EMSY: variants seen among roughly 807,000 people sequenced by gnomAD.
EMSY encodes BRCA2-interacting transcriptional repressor EMSY.
A neutral mutation model predicts 134.6 loss-of-function variants in EMSY; 26 were observed. The observed-to-expected ratio is 0.19, with a 90% CI of 0.14 to 0.27. The LOEUF (loss-of-function observed/expected upper bound fraction) is 0.27, where lower values mean the gene tolerates loss of function less well. Among genes scored for constraint, EMSY ranks in the 10% least tolerant of loss-of-function variants. The pLI, the probability that EMSY is intolerant of heterozygous loss-of-function variation, is 1.00. For missense variants in EMSY, 1,305 were observed against 1,611.4 expected (o/e 0.81, Z 3.26); for synonymous variants, 579 against 577.8 (o/e 1.00, Z -0.03).
At chr11:76,516,233 G>A (rs995903018) in exon 11 of EMSY, 30 of 1,613,232 alleles carry the variant, frequency 1.9e-5, no homozygotes, top group South Asian at 4.4e-5. Flanking sequence ...TGAAAACTAC[G>A]AGTGGTAGCA....
At chr11:76,480,326 C>A (rs1174962169) in intron 8 of EMSY, among the ~76,000 whole-genome samples, 2 of 152,172 alleles carry the variant, frequency 1.3e-5, no homozygotes, top group African/African-American at 4.8e-5. Context: ...GAATTTCTTA[C>A]CAGTCTGTTA....
At chr11:76,505,051 CT>C (rs1223517355) in intron 9 of EMSY, among the ~76,000 whole-genome samples, 1 of 152,088 alleles carries the variant, frequency 6.6e-6, no homozygotes, top group African/African-American at 2.4e-5. Flanking sequence ...ATGGGGTTTC[CT>C]TTTGAAGTGA....
At chr11:76,466,481 C>G (rs1948356052) in intron 7 of EMSY, among the ~76,000 whole-genome samples, 1 of 151,464 alleles carries the variant, frequency 6.6e-6, no homozygotes, top group South Asian at 2.1e-4. Flanking sequence ...GTGCCTTTTC[C>G]CTTTTAAAAA....
At chr11:76,480,578 A>G (rs1204865278) in intron 8 of EMSY, among the ~76,000 whole-genome samples, 1 of 152,150 alleles carries the variant, frequency 6.6e-6, no homozygotes, top group Non-Finnish European at 1.5e-5. Context: ...GTATCCTTAG[A>G]CCAGTGAAGA....
intron 14 of EMSY, among the ~76,000 whole-genome samples, chr11:76,531,248 A>T (rs1357784640): frequency 2.0e-5 from 3 of 152,206 alleles, no homozygotes. Context: ...CTAATTTACA[A>T]TCCATATTCA....
Position 76,513,549 on chromosome 11 carries a change from A to C in EMSY, c.1513+14A>C. 1 of 1,611,554 alleles carries C rather than the reference A, an allele frequency of 6.2e-7. No homozygotes were observed. Among genetic ancestry groups the C allele is most frequent in the Non-Finnish European group, 8.5e-7 (1 of 1,178,520 alleles). ...CCACTCCTACTGGTAAGTTCTCTTG[A>C]GCATCAGTTCATTTATTCATCATAC... On this transcript the variant is annotated intron_variant, in intron 10 of 20. Coordinates refer to ENST00000334736, the Ensembl canonical transcript of EMSY.
intron 8 of EMSY, among the ~76,000 whole-genome samples, chr11:76,477,756 G>A (rs1035786318): frequency 2.0e-5 from 3 of 152,146 alleles, no homozygotes; most frequent in African/African-American, 7.2e-5. Context: ...CAGACTAGAA[G>A]CTGTAATTAG....
Position 76,451,851 on chromosome 11 carries a change from C to T in EMSY, c.71-7C>T, listed in dbSNP as rs529427104. 1.6e-3 allele frequency: 2,481 copies of T among 1,544,916 alleles called. 57 individuals are homozygous for T. The South Asian group carries it at 0.03, about 19-fold the overall frequency. On this transcript the variant is annotated splice_polypyrimidine_tract_variant and splice_region_variant and intron_variant, in intron 2 of 20. Coordinates refer to ENST00000334736, the Ensembl canonical transcript of EMSY. ...CCTATCTTGATAAAATAATTTTCTT[C>T]TTTTAGAATTGGAGGCATATGCTGG...
At chr11:76,493,325 C>T (rs1399634668) in intron 8 of EMSY, among the ~76,000 whole-genome samples, 1 of 152,150 alleles carries the variant, frequency 6.6e-6, no homozygotes, top group Admixed American at 6.5e-5. Context: ...GGCCTGCAGG[C>T]GCCCCTTCCC....
chr11:76,502,172 C>T (rs1052509017), intron 9 of EMSY, among the ~76,000 whole-genome samples: 1 of 146,350 alleles, frequency 6.8e-6, no homozygotes, highest in African/African-American at 2.5e-5. Flanking sequence ...ACCCACCTTA[C>T]AAGAGACACT....
intron 16 of EMSY, 119 bp downstream of exon 17, chr11:76,538,069 C>G (rs1209702535): frequency 7.8e-6 from 7 of 897,314 alleles, no homozygotes; most frequent in Non-Finnish European, 1.1e-5. Flanking sequence ...TCTTTGTTTT[C>G]AGAGCAAATT....
At chr11:76,463,692 T>C (rs1361227660) in intron 6 of EMSY, 129 bp from the exon 8 acceptor site, 2 of 1,008,566 alleles carry the variant, frequency 2.0e-6, no homozygotes, top group Non-Finnish European at 2.9e-6. Context: ...TGAGGGAAGA[T>C]TGATAGAACT....
At chr11:76,523,236 C>T (rs758335223) in exon 12 of EMSY, 3 of 1,613,760 alleles carry the variant, frequency 1.9e-6, no homozygotes, top group Admixed American at 1.7e-5. Flanking sequence ...GGAAAAGGAA[C>T]GACCATTCAA....
exon 8 of EMSY, chr11:76,472,713 G>A (rs1472362559): frequency 1.9e-6 from 3 of 1,614,160 alleles, no homozygotes; most frequent in Non-Finnish European, 2.5e-6. Context: ...CTGCTTCACA[G>A]TCCTCTCTGG....
At chr11:76,541,841 T>C (rs1234432259) in intron 17 of EMSY, among the ~76,000 whole-genome samples, 1 of 152,252 alleles carries the variant, frequency 6.6e-6, no homozygotes, top group African/African-American at 2.4e-5. Flanking sequence ...AATTGATTAC[T>C]GCTTTGTTAC....
intron 8 of EMSY, among the ~76,000 whole-genome samples, chr11:76,478,095 A>G: frequency 6.6e-6 from 1 of 152,140 alleles, no homozygotes. Flanking sequence ...CTGGCCCTGA[A>G]TGCAGTTTCT....
At chr11:76,468,131 T>C (rs1379421526) in intron 7 of EMSY, among the ~76,000 whole-genome samples, 2 of 152,198 alleles carry the variant, frequency 1.3e-5, no homozygotes, top group African/African-American at 4.8e-5. Context: ...TTGTGAACTT[T>C]TTTTAAGTTC....
exon 10 of EMSY, chr11:76,513,456 C>T (rs1950345278): frequency 1.2e-6 from 2 of 1,613,740 alleles, no homozygotes; most frequent in African/African-American, 2.7e-5. Flanking sequence ...CAACTCTACC[C>T]ACCAGTAGCA....
chr11:76,509,859 T>C (rs1565330875), intron 9 of EMSY, among the ~76,000 whole-genome samples: 1 of 152,224 alleles, frequency 6.6e-6, no homozygotes. Flanking sequence ...TCTAACTTTT[T>C]ATACTGGTCA....
Sources: gnomAD v4.1 joint callset for allele counts (sites outside exome capture counted in the v4.1 genomes callset) on GRCh38, gnomAD v4.1.1 for gene constraint, MANE v1.5 for transcripts, NCBI Gene and HGNC (gene_info 2026-07-23, HGNC 2026-07-21) for gene names.